Variants in PRKG1 observed in about 807,000 individuals in gnomAD.
PRKG1 encodes cGMP-dependent protein kinase 1.
Under a neutral mutation model 88.1 loss-of-function variants are expected in PRKG1, and 35 were observed. The observed-to-expected ratio is 0.40, with a 90% CI of 0.30 to 0.53. The LOEUF is 0.53. Among genes scored for constraint, PRKG1 ranks in the 20% least tolerant of loss-of-function variants. The pLI is 0.59. For missense variants in PRKG1, 540 were observed against 839.8 expected (o/e 0.64, Z 4.41); for synonymous variants, 303 against 292.5 (o/e 1.04, Z -0.37).
intron 3 of PRKG1, among the ~76,000 whole-genome samples, chr10:51,737,740 A>AATTATTATTATTATTATT (rs200144590): frequency 7.5e-6 from 1 of 133,434 alleles, no homozygotes; most frequent in Non-Finnish European, 1.6e-5. Context: ...TTTATTTATT[A>AATTATTATTATTATTATT]ATTATTATTA....
rs529645784 is a variant in PRKG1 at position 51,741,421 on chromosome 10, C to T, written c.593-63164C>T. On this transcript the variant is annotated intron_variant, in intron 3 of 17. Coordinates refer to ENST00000373980, the MANE Select transcript of PRKG1 (RefSeq NM_006258.4). ...CTGCATTCCTTCTCTTTACTAAAAT[C>T]TCCCCTGTTTTCTTCTTCTAGCCAG... Among the ~76,000 whole-genome samples the T allele has an allele frequency of 5.3e-5, 8 of 152,182 alleles. No homozygotes were observed. The South Asian group carries it at 1.7e-3, about 32-fold the overall frequency.
intron 3 of PRKG1, among the ~76,000 whole-genome samples, chr10:51,758,797 T>C (rs1426281799): frequency 6.6e-6 from 1 of 152,086 alleles, no homozygotes; most frequent in Non-Finnish European, 1.5e-5. Context: ...TCATCTAGGT[T>C]TTAAGCTCCA....
chr10:51,112,112 A>G (rs1169199177), intron 1 of PRKG1, among the ~76,000 whole-genome samples: 1 of 152,176 alleles, frequency 6.6e-6, no homozygotes, highest in Non-Finnish European at 1.5e-5. Flanking sequence ...TTTTCCTCCT[A>G]GTAACTGGTC....
intron 5 of PRKG1, among the ~76,000 whole-genome samples, chr10:51,959,380 A>C (rs1452315484): frequency 6.6e-6 from 1 of 152,168 alleles, no homozygotes; most frequent in Non-Finnish European, 1.5e-5. Flanking sequence ...GAAACCTATC[A>C]AAGAGTGTCA....
At chr10:51,322,290 T>C (rs1296483800) in intron 2 of PRKG1, among the ~76,000 whole-genome samples, 2 of 152,252 alleles carry the variant, frequency 1.3e-5, no homozygotes, top group Non-Finnish European at 2.9e-5. Context: ...TCTCTCATCC[T>C]GAGAGTCAAC....
At chr10:52,102,175 G>GT (rs915443408) in intron 7 of PRKG1, among the ~76,000 whole-genome samples, 16 of 152,064 alleles carry the variant, frequency 1.1e-4, no homozygotes, top group Middle Eastern at 3.4e-3. Flanking sequence ...CCTTTTTACA[G>GT]TTTTTTTTGT....
At chr10:52,126,585 A>G (rs1332688082) in intron 7 of PRKG1, among the ~76,000 whole-genome samples, 1 of 152,024 alleles carries the variant, frequency 6.6e-6, no homozygotes, top group Non-Finnish European at 1.5e-5. Flanking sequence ...GGCTCAAGTG[A>G]TCTTCCTGCC....
At chr10:51,204,344 T>C (rs1328561691) in intron 2 of PRKG1, among the ~76,000 whole-genome samples, 2 of 151,312 alleles carry the variant, frequency 1.3e-5, no homozygotes, top group Non-Finnish European at 1.5e-5. Flanking sequence ...GAACAGCTTA[T>C]TTAGATTATT....
At chr10:51,962,334 CT>C (rs758228672) in intron 5 of PRKG1, among the ~76,000 whole-genome samples, 31 of 152,166 alleles carry the variant, frequency 2.0e-4, no homozygotes, top group Admixed American at 1.0e-3. Flanking sequence ...CTGCTTCCCC[CT>C]ATTATAGCTG....
At chr10:51,300,338 T>G (rs578220560) in intron 2 of PRKG1, among the ~76,000 whole-genome samples, 27 of 152,324 alleles carry the variant, frequency 1.8e-4, no homozygotes, top group Non-Finnish European at 3.5e-4. Context: ...CTACTTCTTG[T>G]GGAGTAATAG....
chr10:51,856,525 G>A (rs1241597853), intron 4 of PRKG1, among the ~76,000 whole-genome samples: 1 of 152,294 alleles, frequency 6.6e-6, no homozygotes, highest in Middle Eastern at 3.4e-3. Flanking sequence ...TTTTGCTTAT[G>A]TTAACTTAAA....
At chr10:51,323,501 G>A (rs1038181452) in intron 2 of PRKG1, among the ~76,000 whole-genome samples, 4 of 152,142 alleles carry the variant, frequency 2.6e-5, no homozygotes, top group African/African-American at 9.7e-5. Context: ...TCTGCAAAAT[G>A]GAAGTAATAA....
At chr10:52,022,364 T>C (rs1845208309) in intron 5 of PRKG1, among the ~76,000 whole-genome samples, 1 of 152,208 alleles carries the variant, frequency 6.6e-6, no homozygotes, top group Non-Finnish European at 1.5e-5. Flanking sequence ...AATTTTTTAC[T>C]TCATTATTGA....
chr10:51,880,988 T>C (rs1222374296), intron 4 of PRKG1, among the ~76,000 whole-genome samples: 2 of 143,822 alleles, frequency 1.4e-5, no homozygotes, highest in Non-Finnish European at 3.0e-5. Flanking sequence ...AAAAGGCTTG[T>C]ATAAGAGTAA....
At chr10:51,749,215 TAA>T (rs1353407620) in intron 3 of PRKG1, among the ~76,000 whole-genome samples, 3 of 152,224 alleles carry the variant, frequency 2.0e-5, no homozygotes, top group Admixed American at 6.5e-5. Flanking sequence ...AGAAAATGCT[TAA>T]GTTTTTTTTT....
chr10:51,792,344 T>C (rs1227115531), intron 3 of PRKG1, among the ~76,000 whole-genome samples: 5 of 152,120 alleles, frequency 3.3e-5, no homozygotes, highest in Non-Finnish European at 1.5e-5. Flanking sequence ...CCCTGTTCTT[T>C]TGCCTAATAT....
intron 2 of PRKG1, among the ~76,000 whole-genome samples, chr10:51,393,467 G>T (rs1228797676): frequency 1.3e-5 from 2 of 152,218 alleles, no homozygotes; most frequent in Admixed American, 6.5e-5. Flanking sequence ...GTGGCGGCCG[G>T]GCAGCTACAT....
chr10:51,072,123 A>G (rs549719432), upstream of PRKG1, among the ~76,000 whole-genome samples: 2 of 152,158 alleles, frequency 1.3e-5, no homozygotes, highest in Non-Finnish European at 2.9e-5. Context: ...TGAATCCAGG[A>G]GGCGGAGGTT....
chr10:51,792,816 T>G lies in PRKG1; in HGVS notation c.593-11769T>G, dbSNP rs543668458. ...TTAAAGATTACTTCTTCAACACTGT[T>G]GGGAGTTACTGTGCCTAAAAATTAG... On this transcript the variant is annotated intron_variant, in intron 3 of 17. Coordinates refer to ENST00000373980, the MANE Select transcript of PRKG1 (RefSeq NM_006258.4). Among the ~76,000 whole-genome samples, 11 of 152,202 alleles carry G rather than the reference T, an allele frequency of 7.2e-5. No individual in the cohort carries two copies. In the East Asian group the frequency reaches 1.9e-3, roughly 27 times the overall value.
Sources: allele counts gnomAD v4.1 joint callset (sites outside exome capture counted in the v4.1 genomes callset), GRCh38; gene constraint gnomAD v4.1.1; transcripts MANE v1.5; gene names NCBI Gene and HGNC (gene_info 2026-07-23, HGNC 2026-07-21).